NUDC: variants seen among roughly 807,000 people sequenced by gnomAD.
The protein encoded by NUDC is nuclear migration protein nudC.
Under a neutral mutation model 45.0 loss-of-function variants are expected in NUDC, and 14 were observed. That is an observed-to-expected ratio of 0.31 (90% CI 0.21 to 0.49). The LOEUF (loss-of-function observed/expected upper bound fraction) is 0.49, where lower values mean the gene tolerates loss of function less well. Among genes scored for constraint, NUDC ranks in the 20% least tolerant of loss-of-function variants. NUDC has a pLI of 0.99. For missense variants in NUDC, 323 were observed against 426.2 expected (o/e 0.76, Z 2.13); for synonymous variants, 153 against 156.7 (o/e 0.98, Z 0.17).
chr1:26,941,897 G>T (rs2082280804), intron 4 of NUDC, 79 bp downstream of exon 4: 1 of 1,369,790 alleles, frequency 7.3e-7, no homozygotes, highest in South Asian at 1.2e-5. Context: ...GCTTTCTCTG[G>T]AATACCCTTC....
intron 2 of NUDC, 75 bp downstream of exon 2, chr1:26,924,241 C>A: frequency 7.8e-7 from 1 of 1,277,274 alleles, no homozygotes; most frequent in Non-Finnish European, 1.1e-6. Context: ...CTTTCTTTGG[C>A]ATAATAGTAA....
At chr1:26,909,511 G>A (rs555336131) in intron 2 of NUDC, among the ~76,000 whole-genome samples, 1 of 152,318 alleles carries the variant, frequency 6.6e-6, no homozygotes, top group East Asian at 1.9e-4. Flanking sequence ...AGAGAGGAAT[G>A]CTTCCTAAAG....
At chr1:26,936,187 T>A (rs1384949265) in intron 2 of NUDC, among the ~76,000 whole-genome samples, 11 of 57,342 alleles carry the variant, frequency 1.9e-4, no homozygotes, top group African/African-American at 3.4e-4. Flanking sequence ...TTTTTTTTTT[T>A]TTTTTTTTTT....
chr1:26,902,066 T>G (rs1390115228), intron 1 of NUDC, among the ~76,000 whole-genome samples: 1 of 152,188 alleles, frequency 6.6e-6, no homozygotes, highest in Non-Finnish European at 1.5e-5. Context: ...AGAAATGCCT[T>G]CCCACTGTTT....
chr1:26,913,472 A>G, intron 3 of NUDC: 1 of 1,614,090 alleles, frequency 6.2e-7, no homozygotes. Flanking sequence ...TCCAGGCTCC[A>G]GAAGGACTCC....
At chr1:26,919,510 A>G (rs2082078635), upstream of NUDC, among the ~76,000 whole-genome samples, 1 of 152,204 alleles carries the variant, frequency 6.6e-6, no homozygotes, top group Admixed American at 6.5e-5. Context: ...CACTGCTCAC[A>G]TACTTCCAGT....
At chr1:26,907,280 C>T (rs1421152990) in intron 2 of NUDC, among the ~76,000 whole-genome samples, 1 of 152,196 alleles carries the variant, frequency 6.6e-6, no homozygotes, top group African/African-American at 2.4e-5. Context: ...TTTTTCCCAC[C>T]TTCAGGCAGA....
chr1:26,908,304 G>A (rs578220136), intron 2 of NUDC, among the ~76,000 whole-genome samples: 13 of 152,170 alleles, frequency 8.5e-5, no homozygotes, highest in Non-Finnish European at 1.9e-4. Flanking sequence ...CCAGGATGCT[G>A]ATCATGGAGA....
intron 2 of NUDC, among the ~76,000 whole-genome samples, chr1:26,909,303 G>A (rs1486057288): frequency 6.6e-6 from 1 of 151,982 alleles, no homozygotes; most frequent in Non-Finnish European, 1.5e-5. Flanking sequence ...TTTTTGTAGA[G>A]GCAGGAGTCT....
rs763830302 is a variant in NUDC, at chr1:26,921,755, C to A, written c.-94C>A. 8.9e-6 allele frequency: 12 copies of A among 1,342,934 alleles called. No homozygotes were observed. Among genetic ancestry groups the A allele is most frequent in the African/African-American group, 4.4e-5 (3 of 68,832 alleles). 83.2% of individuals were successfully genotyped at this position (1,342,934 alleles called of 1,614,324 possible). A position where few individuals can be genotyped will look rare whatever the true frequency, so the allele number is the denominator to read the frequency against. On this transcript the variant is annotated 5_prime_UTR_variant, in exon 1 of 9. Coordinates refer to ENST00000321265, the MANE Select transcript of NUDC (RefSeq NM_006600.4). Reference sequence around the variant, plus strand: ...TTCCGGCTCCGCTGCGGAAGGCGGACGACTAGAGTCGTTGGGCCCGGCGCG... The same window carrying A: ...TTCCGGCTCCGCTGCGGAAGGCGGAAGACTAGAGTCGTTGGGCCCGGCGCG...
At chr1:26,941,346 TG>T in intron 2 of NUDC, 110 bp from the exon 3 acceptor site, 3 of 1,072,344 alleles carry the variant, frequency 2.8e-6, no homozygotes, top group Admixed American at 2.1e-5. Flanking sequence ...ACCGAGTTTC[TG>T]GGTGCAGTGC....
At chr1:26,922,670 C>A (rs931689091) in intron 1 of NUDC, among the ~76,000 whole-genome samples, 3 of 152,184 alleles carry the variant, frequency 2.0e-5, no homozygotes, top group African/African-American at 7.2e-5. Flanking sequence ...TTCTCAGAGC[C>A]AGAGAAGTGG....
intron 2 of NUDC, among the ~76,000 whole-genome samples, chr1:26,936,137 A>T (rs1343423518): frequency 7.3e-4 from 2 of 2,754 alleles, no homozygotes; most frequent in Non-Finnish European, 1.7e-3. Context: ...CCCGGCTAAT[A>T]TATATATATA....
Position 26,945,698 on chromosome 1 carries a change from A to T in NUDC, c.944+12A>T. 1 of 1,604,840 alleles carries T rather than the reference A, an allele frequency of 6.2e-7. No homozygotes were observed. Among genetic ancestry groups the T allele is most frequent in the Non-Finnish European group, 8.5e-7 (1 of 1,172,136 alleles). Reference sequence around the variant, plus strand: ...GAGATTCTGAAGAAGTGAGCAATTCAGAGACGGGGTTGGGGGACCGTGGGT... The same window carrying T: ...GAGATTCTGAAGAAGTGAGCAATTCTGAGACGGGGTTGGGGGACCGTGGGT... On this transcript the variant is annotated intron_variant, in intron 8 of 8. Transcript: ENST00000321265.
intron 1 of NUDC, chr1:26,900,467 G>T: frequency 6.3e-7 from 1 of 1,584,902 alleles, no homozygotes; most frequent in South Asian, 1.1e-5. Flanking sequence ...TGATCAGCTA[G>T]AACCAAGTCT....
intron 2 of NUDC, among the ~76,000 whole-genome samples, chr1:26,940,878 G>A (rs2082270781): frequency 6.6e-6 from 1 of 151,502 alleles, no homozygotes; most frequent in Non-Finnish European, 1.5e-5. Context: ...AGTAGAGACG[G>A]GGTTTCACCA....
chr1:26,914,128 G>T (rs2082047938), intron 3 of NUDC, among the ~76,000 whole-genome samples: 1 of 152,178 alleles, frequency 6.6e-6, no homozygotes, highest in Non-Finnish European at 1.5e-5. Context: ...GGGGGAGGGG[G>T]CATTGGGAAC....
rs764548578 is a variant in NUDC, at chr1:26,941,640, C to A, written c.343C>A (p.Leu115Met). ...GCTAACTGATGAAGAGGCAGAGAGG[C>A]TGCAGCTAGAGATTGACCAGGTGAA... is the stretch of plus-strand genomic sequence containing the variant. The part of the protein sequence containing the change: ...KELTDEEAER[L>M]QLEIDQKKDA... The change falls in exon 3 of 9, where the codon CTG becomes ATG. Residue 115 changes from leucine (L) to methionine (M), a missense_variant. By Grantham distance (15) the Leu-to-Met change is conservative. Around this residue, in one of 3 missense-constraint regions of NUDC, gnomAD observed 245 missense variants for 278.8 expected, o/e 0.88. Coordinates refer to ENST00000321265, the MANE Select transcript of NUDC (RefSeq NM_006600.4). The A allele has an allele frequency of 2.5e-6, 4 of 1,612,140 alleles. No homozygotes were observed. In the South Asian group the frequency reaches 4.4e-5, roughly 18 times the overall value.
chr1:26,914,508 G>A (rs1214177925), intron 3 of NUDC, among the ~76,000 whole-genome samples: 1 of 152,112 alleles, frequency 6.6e-6, no homozygotes. Context: ...GACCCTGGGG[G>A]CTGGGAGGAC....
Sources: gnomAD v4.1 joint callset for allele counts (sites outside exome capture counted in the v4.1 genomes callset) on GRCh38, gnomAD v4.1.1 for gene constraint, gnomAD v4.1.1 regional missense constraint, MANE v1.5 for transcripts, NCBI Gene and HGNC (gene_info 2026-07-23, HGNC 2026-07-21) for gene names.